OPCML: variants seen among roughly 807,000 people sequenced by gnomAD.
The protein encoded by OPCML is opioid binding protein/cell adhesion molecule like, also known as opioid-binding protein/cell adhesion molecule.
In OPCML, 13 loss-of-function variants were observed where a neutral mutation model predicts 37.8. The observed-to-expected ratio is 0.34, with a 90% confidence interval of 0.22 to 0.55. The LOEUF is 0.55. OPCML is among the 20% of genes least tolerant of loss of function. The probability of loss-of-function intolerance (pLI) is 0.91; values close to 1 mark genes in which losing one functional copy is unlikely to be tolerated. For missense variants in OPCML, 341 were observed against 435.6 expected (o/e 0.78, Z 1.93); for synonymous variants, 176 against 168.8 (o/e 1.04, Z -0.33).
At chr11:132,916,467 T>C (rs1401232202) in intron 2 of OPCML, among the ~76,000 whole-genome samples, 1 of 152,010 alleles carries the variant, frequency 6.6e-6, no homozygotes, top group African/African-American at 2.4e-5. Flanking sequence ...CCCATTAGAG[T>C]TGTCAAGGTG....
intron 7 of OPCML, among the ~76,000 whole-genome samples, chr11:132,434,052 T>A (rs2096005717): frequency 1.3e-5 from 2 of 152,264 alleles, no homozygotes; most frequent in South Asian, 4.2e-4. Context: ...GGCCATTGGG[T>A]TGTCAGTCCT....
intron 4 of OPCML, among the ~76,000 whole-genome samples, chr11:132,512,558 A>C (rs2096271087): frequency 6.6e-6 from 1 of 151,996 alleles, no homozygotes; most frequent in Non-Finnish European, 1.5e-5. Flanking sequence ...TAAAACTCAA[A>C]AGGTGAGTGA....
At chr11:132,658,890 T>G (rs1279697635) in intron 2 of OPCML, among the ~76,000 whole-genome samples, 1 of 152,218 alleles carries the variant, frequency 6.6e-6, no homozygotes, top group Non-Finnish European at 1.5e-5. Context: ...ATGAAGCTTG[T>G]GCTGATTTGC....
chr11:133,519,906 A>C (rs1410672351), intron 1 of OPCML, among the ~76,000 whole-genome samples: 1 of 152,198 alleles, frequency 6.6e-6, no homozygotes, highest in Non-Finnish European at 1.5e-5. Flanking sequence ...CTTCTGCTGC[A>C]TGTGAGACAG....
At chr11:132,475,564 A>C (rs2096152335) in intron 4 of OPCML, among the ~76,000 whole-genome samples, 2 of 152,192 alleles carry the variant, frequency 1.3e-5, no homozygotes. Flanking sequence ...CCAGAGATGC[A>C]GGAGCACAGA....
chr11:132,997,601 C>A (rs554123205), intron 1 of OPCML, among the ~76,000 whole-genome samples: 3 of 152,308 alleles, frequency 2.0e-5, no homozygotes, highest in African/African-American at 4.8e-5. Flanking sequence ...CAACAGGGAG[C>A]TGAGCAAGAC....
intron 3 of OPCML, among the ~76,000 whole-genome samples, chr11:132,652,271 C>A (rs1381836147): frequency 6.6e-6 from 1 of 151,980 alleles, no homozygotes; most frequent in African/African-American, 2.4e-5. Flanking sequence ...GTCCCACTCC[C>A]ACCACTAATT....
chr11:133,251,213 A>T (rs2136433862), intron 1 of OPCML, among the ~76,000 whole-genome samples: 1 of 152,276 alleles, frequency 6.6e-6, no homozygotes, highest in South Asian at 2.1e-4. Flanking sequence ...AGTGGGCTAC[A>T]ACAGAAGCCT....
chr11:133,431,332 T>TTA (rs1419156511), intron 1 of OPCML, among the ~76,000 whole-genome samples: 37 of 152,202 alleles, frequency 2.4e-4, no homozygotes, highest in Non-Finnish European at 2.1e-4. Context: ...GAATCTCAAT[T>TTA]TATATATATA....
intron 1 of OPCML, among the ~76,000 whole-genome samples, chr11:133,405,732 A>G (rs1945511873): frequency 6.6e-6 from 1 of 151,790 alleles, no homozygotes; most frequent in Admixed American, 6.6e-5. Context: ...CCCTTCTACA[A>G]AAAATCTTCT....
At chr11:132,806,112 T>C (rs1210373260) in intron 2 of OPCML, among the ~76,000 whole-genome samples, 2 of 152,100 alleles carry the variant, frequency 1.3e-5, no homozygotes, top group Non-Finnish European at 2.9e-5. Flanking sequence ...AAAAGAGTTA[T>C]AGCTAAGAAG....
At chr11:133,009,116 T>C (rs1947167175) in intron 1 of OPCML, 2 of 985,338 alleles carry the variant, frequency 2.0e-6, no homozygotes, top group Non-Finnish European at 2.4e-6. Context: ...TCTTTAATTC[T>C]ATTTAACAGA....
chr11:132,701,945 G>A (rs1008015672), intron 2 of OPCML, among the ~76,000 whole-genome samples: 6 of 151,818 alleles, frequency 4.0e-5, no homozygotes, highest in South Asian at 2.1e-4. Flanking sequence ...AACCACATAC[G>A]AAATTCTACA....
chr11:133,026,572 G>A (rs554645285), intron 1 of OPCML: 2 of 985,076 alleles, frequency 2.0e-6, no homozygotes, highest in Non-Finnish European at 2.4e-6. Flanking sequence ...TCTGGTCTAG[G>A]TGAAACTGTG....
intron 1 of OPCML, among the ~76,000 whole-genome samples, chr11:133,459,244 GAAGA>G (rs1282123015): frequency 1.3e-5 from 2 of 151,804 alleles, no homozygotes; most frequent in African/African-American, 4.8e-5. Flanking sequence ...AAGGAAATGA[GAAGA>G]AATTCAAAAT....
intron 1 of OPCML, among the ~76,000 whole-genome samples, chr11:133,289,558 G>T (rs1259591890): frequency 7.5e-6 from 1 of 134,156 alleles, no homozygotes; most frequent in Non-Finnish European, 1.5e-5. Context: ...TCCCGCCACT[G>T]CACTCCAGCC....
At position 132,439,173 on chromosome 11, in the gene OPCML, T is replaced by C. The variant is rs866737373; in HGVS notation, c.506-1814A>G. On this transcript the variant is annotated intron_variant, in intron 4 of 7. Coordinates refer to ENST00000524381, the MANE Select transcript of OPCML (RefSeq NM_001012393.5). ...CCCATAGATGTGAGGTTCAGAGTCA[T>C]TGGGAAATCTGGGTGGACCCACATA... 4.6e-5 allele frequency among the ~76,000 whole-genome samples: 7 copies of C among 152,042 alleles called. No individual in the cohort carries two copies. In the South Asian group the frequency reaches 6.2e-4, roughly 14 times the overall value.
chr11:133,429,953 G>A (rs536008033), intron 1 of OPCML, among the ~76,000 whole-genome samples: 3 of 152,320 alleles, frequency 2.0e-5, no homozygotes, highest in Admixed American at 2.0e-4. Flanking sequence ...ATCAGGAGCA[G>A]TGAGTCTGGA....
intron 2 of OPCML, among the ~76,000 whole-genome samples, chr11:132,901,598 T>G (rs957237329): frequency 6.6e-6 from 1 of 152,150 alleles, no homozygotes; most frequent in Non-Finnish European, 1.5e-5. Context: ...GGCAACAAAT[T>G]TGGGGTGCAG....
Sources: gnomAD v4.1 joint callset for allele counts (sites outside exome capture counted in the v4.1 genomes callset) on GRCh38, gnomAD v4.1.1 for gene constraint, MANE v1.5 for transcripts, NCBI Gene and HGNC (gene_info 2026-07-23, HGNC 2026-07-21) for gene names.